The following PIEZO1 variants were observed in gnomAD, a reference collection of about 807,000 sequenced individuals.
The protein encoded by PIEZO1 is piezo type mechanosensitive ion channel component 1 (Er blood group).
Under a neutral mutation model 297.2 loss-of-function variants are expected in PIEZO1, and 296 were observed. The ratio of observed to expected loss-of-function variants is 1.00; its 90% CI spans 0.91 to 1.10. The LOEUF is 1.10. Ranked by LOEUF, PIEZO1 falls within the 50% of genes least tolerant of loss-of-function variation. The probability of loss-of-function intolerance (pLI) is 0.00; values close to 1 mark genes in which losing one functional copy is unlikely to be tolerated. For missense variants in PIEZO1, 5,018 were observed against 3,455.5 expected (o/e 1.45, Z -11.34); for synonymous variants, 2,427 against 1,507.5 (o/e 1.61, Z -14.13).
chr16:88,721,596 T>C lies in PIEZO1; in HGVS notation c.5345A>G (p.Tyr1782Cys), dbSNP rs1344203222. 1 of 1,550,246 alleles carries C rather than the reference T, an allele frequency of 6.5e-7. No homozygotes were observed. ...RILGLEKTDG[Y>C]IKYDLVQLMA... is the part of the protein sequence containing the mutation. Reference sequence around the variant, plus strand: ...GAGCTGCACCAGGTCGTACTTGATGTAGCCGTCAGTCTTCTCCAGGCCCAG... The same window carrying C: ...GAGCTGCACCAGGTCGTACTTGATGCAGCCGTCAGTCTTCTCCAGGCCCAG... Residue 1782 changes from tyrosine (Y) to cysteine (C), a missense_variant, in exon 38 of 51, where the codon TAC (tyrosine) becomes TGC (cysteine). Tyr to Cys is a radical substitution (Grantham distance 194). Transcript: ENST00000301015.
intron 35 of PIEZO1, 42 bp downstream of exon 35, chr16:88,722,541 A>C (rs1168578883): frequency 2.7e-5 from 39 of 1,455,838 alleles, no homozygotes; most frequent in Admixed American, 9.2e-5. Context: ...ATGCCCACAC[A>C]CCAGGGGCAG....
At chr16:88,761,667 TGCCCCACCCCAC>T (rs992145364) in intron 1 of PIEZO1, among the ~76,000 whole-genome samples, 52 of 152,058 alleles carry the variant, frequency 3.4e-4, no homozygotes, top group African/African-American at 1.3e-3. Context: ...GAGATGAGAA[TGCCCCACCCCAC>T]GCGTGAGACA....
chr16:88,741,534 C>A lies in PIEZO1; in HGVS notation c.409G>T (p.Gly137Cys). ...TTCCTTGCAAGGCGCCCGCAGATGCCGAGGCAGACAGAGGAGACCACCAAG... is the reference window on the plus strand; with the variant it reads ...TTCCTTGCAAGGCGCCCGCAGATGCAGAGGCAGACAGAGGAGACCACCAAG... ...GILVVSSVCL[G>C]ICGRLARNTR... Residue 137 changes from glycine (G) to cysteine (C), a missense_variant, in exon 5 of 51, where the codon GGC (glycine) becomes TGC (cysteine). By Grantham distance (159) the Gly-to-Cys change is radical (BLOSUM62 -3). Coordinates refer to ENST00000301015, the MANE Select transcript of PIEZO1 (RefSeq NM_001142864.4). The A allele has an allele frequency of 6.5e-7, 1 of 1,535,650 alleles. No homozygotes were observed. Among genetic ancestry groups the A allele is most frequent in the East Asian group, 2.4e-5 (1 of 40,910 alleles).
chr16:88,749,493 G>C lies in PIEZO1; in HGVS notation c.65-14C>G. The C allele has an allele frequency of 6.6e-7, 1 of 1,521,088 alleles. No homozygotes were observed. The highest frequency in any genetic ancestry group is 1.2e-5 in the South Asian group (1 of 82,044). 94.2% of individuals were successfully genotyped at this position (1,521,088 alleles called of 1,614,324 possible). A position where few individuals can be genotyped will look rare whatever the true frequency, so the allele number is the denominator to read the frequency against. ...GGAGCAGGCAGGCTGCGGGGAGATG[G>C]GCGTTAACTAGGTCGCCAACAGAGG... On this transcript the variant is annotated splice_polypyrimidine_tract_variant and intron_variant, in intron 1 of 50. Transcript: ENST00000301015.
At position 88,715,410 on chromosome 16, in the gene PIEZO1, G is replaced by A; in HGVS notation, c.*195C>T. ...AACTCTACAGTACACGTGGGGGACG[G>A]CAGCGCCACGCAGGCCGTGGGGACG... On this transcript the variant is annotated 3_prime_UTR_variant, in exon 51 of 51. Transcript: ENST00000301015. 1.1e-6 allele frequency: 1 copy of A among 939,364 alleles called. No homozygotes were observed. Among genetic ancestry groups the A allele is most frequent in the South Asian group, 1.7e-5 (1 of 58,720 alleles). The allele number at this position is 939,364 out of a possible 1,614,324, so 58.2% of individuals were successfully genotyped here. A position where few individuals can be genotyped will look rare whatever the true frequency, so the allele number is the denominator to read the frequency against.
At chr16:88,726,037 C>G (rs1173810533) in intron 27 of PIEZO1, 1 of 569,480 alleles carries the variant, frequency 1.8e-6, no homozygotes, top group Non-Finnish European at 3.1e-6. Flanking sequence ...GGAAAGTTGG[C>G]TGGGGGTGAG....
rs1402664515 is a variant in PIEZO1, at chr16:88,732,454, G to C, written c.2872C>G (p.Leu958Val). Residue 958 changes from leucine (L) to valine (V), a missense_variant, in exon 21 of 51, where the codon CTG becomes GTG. Physicochemically the swap from Leu to Val is conservative, Grantham distance 32. Coordinates refer to ENST00000301015, the MANE Select transcript of PIEZO1 (RefSeq NM_001142864.4). ...ACGGCCTGGGCAGGCAGCGGGGCCA[G>C]CTGGTGCTGCCGGCGGTAGTGCTCC... is the stretch of plus-strand genomic sequence containing the variant. ...RQEHYRRQHQ[L>V]APLPAQAVFA... 2.6e-6 allele frequency: 4 copies of C among 1,549,586 alleles called. No individual in the cohort carries two copies. The Admixed American group carries it at 5.9e-5, about 23-fold the overall frequency.
rs75315981 is a variant in PIEZO1, at chr16:88,748,707, C to T, written c.160+677G>A. Among the ~76,000 whole-genome samples the T allele has an allele frequency of 8.4e-3, 1,284 of 152,230 alleles. 22 individuals are homozygous for T. Among genetic ancestry groups the T allele is most frequent in the African/African-American group, 0.028 (1,183 of 41,526 alleles). On this transcript the variant is annotated intron_variant, in intron 2 of 50. Transcript: ENST00000301015. ...CTCCACCCCCATGACCCTCCTCGCC[C>T]CTCACAGCCCCTGCAACACGGATCA...
rs776118613 is a variant in PIEZO1, at chr16:88,727,654, G to A, written c.3204C>T (p.Pro1068=). The A allele has an allele frequency of 4.7e-4, 685 of 1,458,268 alleles. 9 individuals are homozygous for A. Among genetic ancestry groups the A allele is most frequent in the Non-Finnish European group, 1.5e-4 (163 of 1,089,246 alleles). 90.3% of individuals were successfully genotyped at this position (1,458,268 alleles called of 1,614,324 possible). Residue 1068 remains proline (P), a synonymous_variant, in exon 23 of 51, where the codon CCC becomes CCT. Coordinates refer to ENST00000301015, the MANE Select transcript of PIEZO1 (RefSeq NM_001142864.4). ...TGGGGACGGCCCGGCTCCAGCGCCA[G>A]GGATAATCTGGGGGAAGGGGTGTCA... ...GMPPALCIDY[P]WRWSRAVPMN... is the part of the protein sequence containing the mutation.
Position 88,725,750 on chromosome 16 carries a change from G to A in PIEZO1, c.3969-66C>T, listed in dbSNP as rs546581456. On this transcript the variant is annotated intron_variant, in intron 27 of 50. Transcript: ENST00000301015. ...GACCCCAGCAACATGGGCAGCCGCC[G>A]CTCCCCGCTCAGCCCGGGACAGCTC... 435 of 838,070 alleles carry A rather than the reference G, an allele frequency of 5.2e-4. 6 individuals carry two copies. The South Asian group carries it at 5.8e-3, about 11-fold the overall frequency. The allele number at this position is 838,070 out of a possible 1,614,324, so 51.9% of individuals were successfully genotyped here.
chr16:88,738,802 C>T lies in PIEZO1; in HGVS notation c.466-66G>A, dbSNP rs1597462576. On this transcript the variant is annotated intron_variant, in intron 5 of 50. Coordinates refer to ENST00000301015, the MANE Select transcript of PIEZO1 (RefSeq NM_001142864.4). ...ACTGACGCCACCTCTCCAGCCCACA[C>T]CTGCCCAGCCAGGAGCGTGGGAGGC... is the stretch of plus-strand genomic sequence containing the variant. 9.9e-6 allele frequency: 14 copies of T among 1,412,540 alleles called. No individual in the cohort carries two copies. In the East Asian group the frequency reaches 3.3e-4, roughly 33 times the overall value. 87.5% of individuals were successfully genotyped at this position (1,412,540 alleles called of 1,614,324 possible). A position where few individuals can be genotyped will look rare whatever the true frequency, so the allele number is the denominator to read the frequency against.
chr16:88,734,584 G>A (rs746281782), intron 15 of PIEZO1, 46 bp from the exon 16 acceptor site: 40 of 1,545,854 alleles, frequency 2.6e-5, no homozygotes, highest in African/African-American at 1.4e-4. Flanking sequence ...CGGCAGAGCC[G>A]CTGCAGCCCC....
chr16:88,731,568 G>A (rs1041235864), intron 22 of PIEZO1, 138 bp downstream of exon 22: 3 of 647,932 alleles, frequency 4.6e-6, no homozygotes, highest in Admixed American at 2.8e-5. Context: ...GGTAGGATGT[G>A]GAGCAGAGAG....
At chr16:88,719,233 G>C in intron 44 of PIEZO1, 1 of 285,884 alleles carries the variant, frequency 3.5e-6, no homozygotes, top group Non-Finnish European at 6.8e-6. Flanking sequence ...TTTACGTGGG[G>C]GAGTGGTCTG....
intron 1 of PIEZO1, among the ~76,000 whole-genome samples, chr16:88,778,414 A>G (rs892920406): frequency 6.6e-6 from 1 of 152,204 alleles, no homozygotes; most frequent in African/African-American, 2.4e-5. Flanking sequence ...GAGCCTGGTA[A>G]ACAGCCGGCA....
chr16:88,733,469 CACGTGGGGCTGGGCTTGGGGAGGGCAGTG>C lies in PIEZO1; in HGVS notation c.2488-44_2488-16del. On this transcript the variant is annotated splice_polypyrimidine_tract_variant and intron_variant, in intron 18 of 50. Coordinates refer to ENST00000301015, the MANE Select transcript of PIEZO1 (RefSeq NM_001142864.4). ...ATCACCGACACCTGAGGGCAGTGGG[CACGTGGGGCTGGGCTTGGGGAGGGCAGTG>C]GGCACGTGGGGCTGGGCTTGGGGAG... 3.2e-6 allele frequency: 5 copies of C among 1,542,808 alleles called. No homozygotes were observed. In the African/African-American group the frequency reaches 4.1e-5, roughly 13 times the overall value.
chr16:88,735,516 G>T (rs912559202), intron 12 of PIEZO1, among the ~76,000 whole-genome samples: 6 of 152,254 alleles, frequency 3.9e-5, no homozygotes, highest in African/African-American at 1.4e-4. Context: ...AGTTCACGTG[G>T]GCACAGATCC....
chr16:88,728,992 C>G, intron 22 of PIEZO1, among the ~76,000 whole-genome samples: 1 of 43,264 alleles, frequency 2.3e-5, no homozygotes, highest in Non-Finnish European at 4.6e-5. Context: ...ACAAAGTGAC[C>G]CTCGATGTTG....
In PIEZO1 at chr16:88,742,230, G is replaced by A. The variant is rs148208037; in HGVS notation, c.283+70C>T. ...CTGAGTCAACCCCCCCAGGAGACTC[G>A]GGGTCACTGCAGGGCCCTCTCCCTG... On this transcript the variant is annotated intron_variant, in intron 3 of 50. Transcript: ENST00000301015. 5,160 of 1,502,306 alleles carry A rather than the reference G, an allele frequency of 3.4e-3. 8 individuals are homozygous for A. The highest frequency in any genetic ancestry group is 4.2e-3 in the Admixed American group (204 of 48,694). 93.1% of individuals were successfully genotyped at this position (1,502,306 alleles called of 1,614,324 possible).
Sources: gnomAD v4.1 joint callset for allele counts (sites outside exome capture counted in the v4.1 genomes callset) on GRCh38, gnomAD v4.1.1 for gene constraint, MANE v1.5 for transcripts, NCBI Gene and HGNC (gene_info 2026-07-23, HGNC 2026-07-21) for gene names.